Variants in CEP68 observed in about 807,000 individuals in gnomAD.
CEP68 encodes the protein centrosomal protein 68.
In CEP68, 26 loss-of-function variants were observed where a neutral mutation model predicts 55.3. The observed-to-expected ratio is 0.47, with a 90% CI of 0.34 to 0.65. CEP68 has a LOEUF of 0.65. Ranked by LOEUF, CEP68 falls within the 30% of genes least tolerant of loss-of-function variation. The pLI is 0.01. For synonymous variants in CEP68, 402 were observed against 383.2 expected (o/e 1.05, Z -0.57); for missense variants, 957 against 946.7 (o/e 1.01, Z -0.14).
Position 65,078,288 on chromosome 2 carries a change from C to T in CEP68, c.2104+324C>T, listed in dbSNP as rs138451687. On this transcript the variant is annotated intron_variant, in intron 5 of 6. Coordinates refer to ENST00000377990, the MANE Select transcript of CEP68 (RefSeq NM_015147.3). ...GGTAGGAATCCTAGTATTAATCCAC[C>T]ATCCTTAGTTTGTGGCTAGGGTATT... Among the ~76,000 whole-genome samples the T allele has an allele frequency of 1.6e-4, 25 of 152,264 alleles. No individual in the cohort carries two copies. The East Asian group carries it at 4.8e-3, about 29-fold the overall frequency.
intron 4 of CEP68, 46 bp from the exon 5 acceptor site, chr2:65,077,822 A>C (rs1267897581): frequency 7.0e-7 from 1 of 1,428,062 alleles, no homozygotes; most frequent in East Asian, 2.3e-5. Context: ...TTTACAAAAC[A>C]ATAGTAACGA....
chr2:65,075,255 G>GAAAAAAAAAAAAA (rs71401768), intron 4 of CEP68: 1 of 115,618 alleles, frequency 8.6e-6, no homozygotes, highest in African/African-American at 2.9e-5. Flanking sequence ...CGTCTCTACA[G>GAAAAAAAAAAAAA]AAAAAAAAAA....
At chr2:65,076,117 C>T (rs62140400) in intron 4 of CEP68, among the ~76,000 whole-genome samples, 1 of 151,734 alleles carries the variant, frequency 6.6e-6, no homozygotes, top group Non-Finnish European at 1.5e-5. Context: ...ACAGCATTCC[C>T]ACTAGGGTGG....
intron 1 of CEP68, 76 bp from the exon 2 acceptor site, chr2:65,069,323 A>T: frequency 1.3e-6 from 1 of 776,610 alleles, no homozygotes; most frequent in Non-Finnish European, 2.0e-6. Flanking sequence ...TGTTTGCCTT[A>T]ATTGTTAAAG....
intron 1 of CEP68, among the ~76,000 whole-genome samples, chr2:65,056,983 C>T (rs1010688603): frequency 6.6e-6 from 1 of 152,232 alleles, no homozygotes. Flanking sequence ...CGGGCCTTTC[C>T]CCCTGGAAAG....
At chr2:65,062,767 G>A (rs528831626) in intron 1 of CEP68, among the ~76,000 whole-genome samples, 53 of 152,176 alleles carry the variant, frequency 3.5e-4, no homozygotes, top group African/African-American at 1.2e-3. Flanking sequence ...AACCCGGGAG[G>A]CAGAGGTTGT....
rs1178835368 is a variant in CEP68, at chr2:65,056,433, G to GAGGGCCGCAGTTGC, written c.-139_-126dup. 6.6e-6 allele frequency: 1 copy of GAGGGCCGCAGTTGC among 152,442 alleles called. No homozygotes were observed. The allele number at this position is 152,442 out of a possible 1,614,324, so 9.4% of individuals were successfully genotyped here. A position where few individuals can be genotyped will look rare whatever the true frequency, so the allele number is the denominator to read the frequency against. On this transcript the variant is annotated 5_prime_UTR_variant, in exon 1 of 7. Coordinates refer to ENST00000377990, the MANE Select transcript of CEP68 (RefSeq NM_015147.3). ...CCCTGCGCGTTTTGGGCTGCGGTTG[G>GAGGGCCGCAGTTGC]AGGGCCGCAGTTGCAGTCAGGGTCC...
chr2:65,079,844 G>A (rs569971170), intron 5 of CEP68, among the ~76,000 whole-genome samples: 1 of 152,332 alleles, frequency 6.6e-6, no homozygotes, highest in Admixed American at 6.5e-5. Context: ...TGTAAAAGTA[G>A]GCCTCTAGTC....
chr2:65,077,989 T>A, intron 5 of CEP68, 25 bp downstream of exon 5: 1 of 1,561,016 alleles, frequency 6.4e-7, no homozygotes, highest in South Asian at 1.1e-5. Context: ...GTTTTGGATT[T>A]AGCCAGAGCT....
chr2:65,070,272 C>G (rs985975999), intron 2 of CEP68, among the ~76,000 whole-genome samples: 1 of 152,168 alleles, frequency 6.6e-6, no homozygotes, highest in Non-Finnish European at 1.5e-5. Context: ...GCAGCACTGT[C>G]CCTGGTTAAG....
chr2:65,057,712 A>G (rs565323557), intron 1 of CEP68, among the ~76,000 whole-genome samples: 11 of 152,366 alleles, frequency 7.2e-5, no homozygotes, highest in Admixed American at 3.3e-4. Flanking sequence ...ACACAACAGA[A>G]ACATTTATTT....
intron 2 of CEP68, chr2:65,070,741 G>A (rs967439465): frequency 6.6e-6 from 1 of 152,062 alleles, no homozygotes; most frequent in East Asian, 1.9e-4. Context: ...TAGAATTCCT[G>A]TTGTTCGTTA....
At position 65,072,499 on chromosome 2, in the gene CEP68, C is replaced by T. The variant is rs935592823; in HGVS notation, c.1403C>T (p.Ser468Phe). Residue 468 changes from serine (S) to phenylalanine (F), a missense_variant, in exon 3 of 7, where the codon TCT becomes TTT. Ser to Phe is a radical substitution (Grantham distance 155). Transcript: ENST00000377990. ...GCCCGGCGCCCTACCTGCACAGAGT[C>T]TAGGTGGAAATCAGAAGAGGAAGTG... ...QSARRPTCTESRWKSEEEVES... is the reference protein window; with the variant it reads ...QSARRPTCTEFRWKSEEEVES... 1 of 1,614,072 alleles carries T rather than the reference C, an allele frequency of 6.2e-7. No homozygotes were observed. The highest frequency in any genetic ancestry group is 8.5e-7 in the Non-Finnish European group (1 of 1,180,008).
chr2:65,075,542 T>G (rs1346589406), intron 4 of CEP68, among the ~76,000 whole-genome samples: 2 of 152,242 alleles, frequency 1.3e-5, no homozygotes, highest in African/African-American at 4.8e-5. Context: ...TGGTCCTAGA[T>G]TTAGGATGAC....
chr2:65,059,546 A>G (rs147516429), intron 1 of CEP68, among the ~76,000 whole-genome samples: 26 of 152,300 alleles, frequency 1.7e-4, no homozygotes, highest in African/African-American at 6.0e-4. Flanking sequence ...TTAGCCATTA[A>G]AAACCTGCCA....
At position 65,074,044 on chromosome 2, in the gene CEP68, T is replaced by C. The variant is rs1374929435; in HGVS notation, c.1885-238T>C. The stretch of plus-strand genomic sequence containing the variant: ...CGCCTCTTCTGGGCTGCTCCATTCC[T>C]ACCTGCAAGGCTGGGTTTTCTCAGC... On this transcript the variant is annotated intron_variant, in intron 3 of 6. Transcript: ENST00000377990. 6.3e-6 allele frequency: 3 copies of C among 473,610 alleles called. No individual in the cohort carries two copies. In the East Asian group the frequency reaches 1.2e-4, roughly 19 times the overall value. 29.3% of individuals were successfully genotyped at this position (473,610 alleles called of 1,614,324 possible).
rs749364217 is a variant in CEP68 at position 65,074,382 on chromosome 2, A to G, written c.1985A>G (p.Lys662Arg). Residue 662 changes from lysine to arginine, a missense_variant, in exon 4 of 7, where the codon AAG (lysine) becomes AGG (arginine). Physicochemically the swap from Lys to Arg is conservative, Grantham distance 26. Coordinates refer to ENST00000377990, the MANE Select transcript of CEP68 (RefSeq NM_015147.3). ...TAARSNLTSL[K>R]SSLQLYRQFK... The stretch of plus-strand genomic sequence containing the variant: ...GCCAGGTCCAATCTTACAAGTCTCA[A>G]GTCTTCTCTGCAGCTTTACCGGGTA... The G allele has an allele frequency of 1.9e-6, 3 of 1,614,064 alleles. No homozygotes were observed. Among genetic ancestry groups the G allele is most frequent in the Non-Finnish European group, 2.5e-6 (3 of 1,180,010 alleles).
In CEP68 at chr2:65,071,552, A is replaced by C. The variant is rs1676463383; in HGVS notation, c.456A>C (p.Glu152Asp). The change falls in exon 3 of 7, where the codon GAA becomes GAC. Residue 152 changes from glutamate (E) to aspartate (D), a missense_variant. Transcript: ENST00000377990. ...TICSGHDADT[E>D]DDPSLADLPQ... is the part of the protein sequence containing the mutation. ...GCTCAGGACATGATGCTGATACCGA[A>C]GATGATCCATCCCTAGCAGATTTGC... is the stretch of plus-strand genomic sequence containing the variant. 6.2e-7 allele frequency: 1 copy of C among 1,614,064 alleles called. No individual in the cohort carries two copies. Among genetic ancestry groups the C allele is most frequent in the Non-Finnish European group, 8.5e-7 (1 of 1,180,032 alleles).
At chr2:65,079,242 A>G (rs185785677) in intron 5 of CEP68, among the ~76,000 whole-genome samples, 1 of 152,356 alleles carries the variant, frequency 6.6e-6, no homozygotes, top group East Asian at 1.9e-4. Flanking sequence ...TGAAGGGTGT[A>G]CAGCAGGATT....
Sources: gnomAD v4.1 joint callset for allele counts (sites outside exome capture counted in the v4.1 genomes callset) on GRCh38, gnomAD v4.1.1 for gene constraint, MANE v1.5 for transcripts, NCBI Gene and HGNC (gene_info 2026-07-23, HGNC 2026-07-21) for gene names.